Variants in KANK1 observed in about 807,000 individuals in gnomAD.
KANK1 encodes KN motif and ankyrin repeat domains 1, also known as KN motif and ankyrin repeat domain-containing protein 1.
A neutral mutation model predicts 106.2 loss-of-function variants in KANK1; 109 were observed. The observed-to-expected ratio is 1.03, with a 90% confidence interval of 0.88 to 1.20. The LOEUF (loss-of-function observed/expected upper bound fraction) is 1.20, where lower values mean the gene tolerates loss of function less well. Ranked by LOEUF, KANK1 falls within the 50% of genes most tolerant of loss-of-function variation. The probability of loss-of-function intolerance (pLI) is 0.00; values close to 1 mark genes in which losing one functional copy is unlikely to be tolerated. For missense variants in KANK1, 2,399 were observed against 1,710.7 expected (o/e 1.40, Z -7.10); for synonymous variants, 873 against 652.2 (o/e 1.34, Z -5.16).
intron 1 of KANK1, among the ~76,000 whole-genome samples, chr9:614,790 A>T (rs1369161788): frequency 6.6e-6 from 1 of 152,120 alleles, no homozygotes; most frequent in East Asian, 1.9e-4. Context: ...CTTTTAAAGA[A>T]ATGTATATAA....
At position 595,410 on chromosome 9, in the gene KANK1, G is replaced by C. The variant is rs189066295; in HGVS notation, c.-83-81480G>C. Among the ~76,000 whole-genome samples the C allele has an allele frequency of 2.8e-4, 43 of 152,036 alleles. 1 individual carries two copies. The highest frequency in any genetic ancestry group is 9.9e-4 in the African/African-American group (41 of 41,306). On this transcript the variant is annotated intron_variant, in intron 1 of 11. Coordinates refer to ENST00000382297, the MANE Select transcript of KANK1 (RefSeq NM_015158.5). ...CTAATGCCATTGCAGGAGCACTTCA[G>C]CTCCAAACTTGAGCGTTGCAATCAG...
intron 1 of KANK1, among the ~76,000 whole-genome samples, chr9:649,937 G>A (rs575214094): frequency 5.9e-5 from 9 of 152,258 alleles, no homozygotes; most frequent in African/African-American, 2.2e-4. Flanking sequence ...TTTAGAATGA[G>A]AAAAGAGGAT....
rs117655032 is a variant in KANK1, at chr9:623,395, A to T, written c.-83-53495A>T. Among the ~76,000 whole-genome samples, 690 of 152,016 alleles carry T rather than the reference A, an allele frequency of 4.5e-3. 3 individuals carry two copies. Among genetic ancestry groups the T allele is most frequent in the Non-Finnish European group, 5.0e-3 (340 of 67,948 alleles). On this transcript the variant is annotated intron_variant, in intron 1 of 11. Coordinates refer to ENST00000382297, the MANE Select transcript of KANK1 (RefSeq NM_015158.5). Reference sequence around the variant, plus strand: ...GCTTGAGTCCAGGAGTTCCAGACCAACCTGGACAACATGGTGAACCCCTGT... The same window carrying T: ...GCTTGAGTCCAGGAGTTCCAGACCATCCTGGACAACATGGTGAACCCCTGT...
At chr9:659,394 C>G (rs1842821604) in intron 1 of KANK1, among the ~76,000 whole-genome samples, 3 of 152,054 alleles carry the variant, frequency 2.0e-5, no homozygotes, top group South Asian at 4.2e-4. Flanking sequence ...TTGCAGGGCC[C>G]CAAACCCAGA....
chr9:650,175 G>A (rs1840568796), intron 1 of KANK1, among the ~76,000 whole-genome samples: 1 of 152,150 alleles, frequency 6.6e-6, no homozygotes, highest in South Asian at 2.1e-4. Flanking sequence ...CAAATTCATT[G>A]CAAATTATGC....
intron 1 of KANK1, among the ~76,000 whole-genome samples, chr9:660,882 G>A (rs541476101): frequency 6.6e-6 from 1 of 152,284 alleles, no homozygotes; most frequent in East Asian, 1.9e-4. Flanking sequence ...TTGCCACAAA[G>A]GTCTTTTTGA....
intron 1 of KANK1, among the ~76,000 whole-genome samples, chr9:642,418 C>G (rs1838677291): frequency 1.3e-5 from 2 of 151,002 alleles, no homozygotes; most frequent in South Asian, 4.1e-4. Context: ...AATTGACTTA[C>G]ACTTGAACAA....
chr9:476,544 G>C (rs780442988), intron 3 of KANK1: 1 of 151,952 alleles, frequency 6.6e-6, no homozygotes. Flanking sequence ...AAAAATCCCA[G>C]GTGTTCTGGA....
chr9:572,136 T>C (rs1172596713), intron 1 of KANK1, among the ~76,000 whole-genome samples: 1 of 149,094 alleles, frequency 6.7e-6, no homozygotes, highest in Non-Finnish European at 1.5e-5. Flanking sequence ...AACTTATGGT[T>C]GTAATAAACA....
At chr9:513,414 G>A (rs576197699) in intron 1 of KANK1, among the ~76,000 whole-genome samples, 2 of 152,086 alleles carry the variant, frequency 1.3e-5, no homozygotes, top group African/African-American at 4.8e-5. Context: ...TCTGTTGGAG[G>A]TGTTTTGGGT....
intron 1 of KANK1, among the ~76,000 whole-genome samples, chr9:515,131 C>G (rs947594474): frequency 6.6e-6 from 1 of 151,560 alleles, no homozygotes; most frequent in African/African-American, 2.4e-5. Context: ...ATCATGAGGT[C>G]AGGAGATCAA....
chr9:530,339 G>T (rs1207137198), intron 1 of KANK1, among the ~76,000 whole-genome samples: 3 of 151,962 alleles, frequency 2.0e-5, no homozygotes, highest in East Asian at 3.9e-4. Flanking sequence ...GTTTCTTTTG[G>T]TACTTTTGTA....
intron 1 of KANK1, among the ~76,000 whole-genome samples, chr9:654,410 G>A (rs1010882229): frequency 1.3e-5 from 2 of 152,090 alleles, no homozygotes; most frequent in African/African-American, 4.8e-5. Context: ...AAAATCTCTG[G>A]GAGAATCTTG....
chr9:591,625 G>A (rs1203772988), intron 1 of KANK1, among the ~76,000 whole-genome samples: 4 of 151,480 alleles, frequency 2.6e-5, no homozygotes, highest in African/African-American at 7.3e-5. Flanking sequence ...GTGTGCACAC[G>A]CGCACACACA....
chr9:638,201 T>C (rs1380218703), intron 1 of KANK1, among the ~76,000 whole-genome samples: 2 of 152,222 alleles, frequency 1.3e-5, no homozygotes, highest in African/African-American at 2.4e-5. Context: ...TTCTGTGGCT[T>C]ATGATAGAAT....
intron 1 of KANK1, among the ~76,000 whole-genome samples, chr9:513,139 A>G (rs982229542): frequency 6.6e-6 from 1 of 152,256 alleles, no homozygotes; most frequent in Admixed American, 6.5e-5. Context: ...TGAGCCTAGC[A>G]GGTGGCATAA....
intron 1 of KANK1, among the ~76,000 whole-genome samples, chr9:573,641 G>A (rs190702553): frequency 6.6e-6 from 1 of 152,122 alleles, no homozygotes; most frequent in Non-Finnish European, 1.5e-5. Flanking sequence ...GGATAGCAGG[G>A]ATTAAGTAAG....
chr9:731,195 G>C lies in KANK1; in HGVS notation c.2934G>C (p.Met978Ile), dbSNP rs754816236. ...TNNESTLKSIMKKKDGNKDSN... is the reference protein window; with the variant it reads ...TNNESTLKSIIKKKDGNKDSN... ...ATGAAAGTACACTGAAGTCCATCATGAAGAAGAAAGATGGTAACAAAGATT... is the reference window on the plus strand; with the variant it reads ...ATGAAAGTACACTGAAGTCCATCATCAAGAAGAAAGATGGTAACAAAGATT... The change falls in exon 5 of 12, where the codon ATG becomes ATC. Residue 978 changes from methionine (M) to isoleucine (I), a missense_variant. Physicochemically the swap from Met to Ile is conservative, Grantham distance 10. Coordinates refer to ENST00000382297, the MANE Select transcript of KANK1 (RefSeq NM_015158.5). 8.1e-6 allele frequency: 13 copies of C among 1,611,826 alleles called. No homozygotes were observed. The South Asian group carries it at 1.4e-4, about 18-fold the overall frequency.
chr9:587,176 A>C (rs1823701456), intron 1 of KANK1, among the ~76,000 whole-genome samples: 1 of 152,158 alleles, frequency 6.6e-6, no homozygotes, highest in Non-Finnish European at 1.5e-5. Context: ...ACTATCATGA[A>C]GTTGTCATGT....
Sources: gnomAD v4.1 joint callset for allele counts (sites outside exome capture counted in the v4.1 genomes callset) on GRCh38, gnomAD v4.1.1 for gene constraint, MANE v1.5 for transcripts, NCBI Gene and HGNC (gene_info 2026-07-23, HGNC 2026-07-21) for gene names.